OPHN1: variants seen among roughly 807,000 people sequenced by gnomAD.
The protein encoded by OPHN1 is oligophrenin 1.
In OPHN1, 11 loss-of-function variants were observed where a neutral mutation model predicts 60.7. The ratio of observed to expected loss-of-function variants is 0.18; its 90% CI spans 0.11 to 0.30. The LOEUF (loss-of-function observed/expected upper bound fraction) is 0.30. OPHN1 is among the 10% of genes least tolerant of loss of function. OPHN1 has a pLI of 1.00. For synonymous variants in OPHN1, 226 were observed against 222.6 expected, an observed-to-expected ratio of 1.02 and a Z score of -0.14; for missense variants, 449 against 611.0, an observed-to-expected ratio of 0.73 and a Z score of 2.80.
chrX:68,313,175 G>A (rs375206828), intron 2 of OPHN1, among the ~76,000 whole-genome samples: 1 of 111,828 alleles, frequency 8.9e-6, no homozygotes, highest in Admixed American at 9.5e-5. Context: ...AATAATAAAT[G>A]CTGGCGAGTA....
rs187449664 is a variant in OPHN1 at position 68,200,561 on chromosome X, G to C, written c.1025+1058C>G. Among the ~76,000 whole-genome samples, 49 of 111,712 alleles carry C rather than the reference G, an allele frequency of 4.4e-4. 1 individual carries two copies. The East Asian group carries it at 0.011, about 24-fold the overall frequency. On this transcript the variant is annotated intron_variant, in intron 11 of 24. Coordinates refer to ENST00000355520, the MANE Select transcript of OPHN1 (RefSeq NM_002547.3). ...GTCTCATGGTTACTGGCAACAATAC[G>C]TACTTTCAGAGCCACCTCAATTGGG...
At chrX:68,398,960 AGTGTGTGTGTGTGT>A (rs113103699) in intron 2 of OPHN1, among the ~76,000 whole-genome samples, 9 of 95,221 alleles carry the variant, frequency 9.5e-5, no homozygotes, top group Admixed American at 3.6e-4. Flanking sequence ...AAACAAAAAA[AGTGTGTGTGTGTGT>A]GTGTGTGTGT....
chrX:68,078,373 T>C (rs1183160150), intron 19 of OPHN1, among the ~76,000 whole-genome samples: 1 of 111,527 alleles, frequency 9.0e-6, no homozygotes. Context: ...ATATACTTAC[T>C]TAATGCAGAT....
At chrX:68,253,416 A>G (rs973531266) in intron 5 of OPHN1, among the ~76,000 whole-genome samples, 1 of 111,278 alleles carries the variant, frequency 9.0e-6, no homozygotes, top group Non-Finnish European at 1.9e-5. Context: ...TATTTATGGA[A>G]TATCTCTGAA....
At chrX:68,230,213 G>C (rs2077720560) in intron 6 of OPHN1, among the ~76,000 whole-genome samples, 1 of 111,364 alleles carries the variant, frequency 9.0e-6, no homozygotes, top group African/African-American at 3.3e-5. Flanking sequence ...ACCACAATGA[G>C]ATACCATCTC....
intron 5 of OPHN1, among the ~76,000 whole-genome samples, chrX:68,247,215 T>C (rs2077810658): frequency 9.0e-6 from 1 of 111,352 alleles, no homozygotes; most frequent in South Asian, 3.8e-4. Context: ...CCATATCCTA[T>C]CTTTGTTTGC....
intron 15 of OPHN1, among the ~76,000 whole-genome samples, chrX:68,146,594 C>G (rs2077264803): frequency 8.9e-6 from 1 of 112,449 alleles, no homozygotes; most frequent in Non-Finnish European, 1.9e-5. Flanking sequence ...CTGGCTCCAC[C>G]TGACGGTGAT....
chrX:68,095,208 A>T (rs2077033727), intron 19 of OPHN1, among the ~76,000 whole-genome samples: 1 of 111,945 alleles, frequency 8.9e-6, no homozygotes, highest in African/African-American at 3.2e-5. Flanking sequence ...TGGGTACTCG[A>T]CACATATTTG....
chrX:68,232,958 C>T (rs1393353516), intron 6 of OPHN1, among the ~76,000 whole-genome samples: 6 of 95,993 alleles, frequency 6.3e-5, no homozygotes, highest in African/African-American at 2.4e-4. Flanking sequence ...GACAGAGTTT[C>T]GTTCTTGTCA....
intron 2 of OPHN1, among the ~76,000 whole-genome samples, chrX:68,401,040 C>T (rs1202253114): frequency 9.0e-6 from 1 of 111,645 alleles, no homozygotes; most frequent in East Asian, 2.8e-4. Context: ...GACGACAGCA[C>T]CAAGGAGGAT....
At chrX:68,227,950 A>G (rs1183478261) in intron 6 of OPHN1, among the ~76,000 whole-genome samples, 1 of 111,687 alleles carries the variant, frequency 9.0e-6, no homozygotes, top group Non-Finnish European at 1.9e-5. Flanking sequence ...AAAACCTTCA[A>G]AAAATCAATG....
At chrX:68,122,283 A>AG (rs2077153486) in intron 15 of OPHN1, among the ~76,000 whole-genome samples, 1 of 112,178 alleles carries the variant, frequency 8.9e-6, no homozygotes, top group East Asian at 2.8e-4. Context: ...GAACCACAGA[A>AG]TTACTGGGTA....
At chrX:68,319,685 G>A (rs890861248) in intron 2 of OPHN1, among the ~76,000 whole-genome samples, 1 of 109,942 alleles carries the variant, frequency 9.1e-6, no homozygotes, top group Non-Finnish European at 1.9e-5. Context: ...GCAGTGAGCC[G>A]GGATCTAGCC....
intron 15 of OPHN1, among the ~76,000 whole-genome samples, chrX:68,140,252 T>A (rs962855271): frequency 2.7e-5 from 3 of 111,660 alleles, no homozygotes; most frequent in Non-Finnish European, 5.6e-5. Context: ...CTTCCTTATG[T>A]AACATGGAAA....
intron 2 of OPHN1, among the ~76,000 whole-genome samples, chrX:68,358,860 C>T (rs977543602): frequency 9.0e-6 from 1 of 111,686 alleles, no homozygotes; most frequent in Non-Finnish European, 1.9e-5. Context: ...AGTAACTTGT[C>T]CCAAATCACA....
At chrX:68,242,184 G>A (rs923795699) in intron 5 of OPHN1, among the ~76,000 whole-genome samples, 1 of 92,307 alleles carries the variant, frequency 1.1e-5, no homozygotes, top group African/African-American at 4.2e-5. Flanking sequence ...CCAGGAGTTT[G>A]AGACCAGCAT....
At chrX:68,061,812 T>C (rs1195662866) in intron 21 of OPHN1, among the ~76,000 whole-genome samples, 2 of 111,149 alleles carry the variant, frequency 1.8e-5, no homozygotes, top group Non-Finnish European at 3.8e-5. Context: ...AGTCAACTAC[T>C]TGTGGAAATT....
chrX:68,074,996 G>A (rs2076948430), intron 19 of OPHN1, among the ~76,000 whole-genome samples: 1 of 112,452 alleles, frequency 8.9e-6, no homozygotes, highest in Non-Finnish European at 1.9e-5. Flanking sequence ...GGCCAAGATA[G>A]GGCACAGAAA....
intron 6 of OPHN1, among the ~76,000 whole-genome samples, chrX:68,219,591 C>G (rs1484802679): frequency 9.0e-6 from 1 of 111,237 alleles, no homozygotes; most frequent in Non-Finnish European, 1.9e-5. Context: ...TCTCAGACCA[C>G]AGTGCAATCA....
Sources: gnomAD v4.1 joint callset for allele counts (sites outside exome capture counted in the v4.1 genomes callset) on GRCh38, gnomAD v4.1.1 for gene constraint, MANE v1.5 for transcripts, NCBI Gene and HGNC (gene_info 2026-07-23, HGNC 2026-07-21) for gene names.